Variants in B3GALT1 observed in about 807,000 individuals in gnomAD.
B3GALT1 encodes the protein UDP-Gal:betaGlcNAc beta 1,3-galactosyltransferase, polypeptide 1.
Under a neutral mutation model 23.2 loss-of-function variants are expected in B3GALT1, and 10 were observed. The ratio of observed to expected loss-of-function variants is 0.43; its 90% CI spans 0.27 to 0.73. The LOEUF is 0.73. Among genes scored for constraint, B3GALT1 ranks in the 30% least tolerant of loss-of-function variants. The pLI is 0.21. For synonymous variants in B3GALT1, 156 were observed against 141.5 expected (o/e 1.10, Z -0.73); for missense variants, 299 against 405.4 (o/e 0.74, Z 2.25).
intron 3 of B3GALT1, chr2:167,714,253 C>T: frequency 6.7e-7 from 1 of 1,502,452 alleles, no homozygotes; most frequent in Non-Finnish European, 9.3e-7. Context: ...GAGGAAACAT[C>T]ATCCTACGGT....
intron 2 of B3GALT1, among the ~76,000 whole-genome samples, chr2:167,530,154 C>T (rs1442986643): frequency 7.4e-6 from 1 of 135,276 alleles, no homozygotes; most frequent in African/African-American, 2.8e-5. Context: ...CAGATATTAG[C>T]AGAGCTTGCT....
At chr2:167,444,298 T>C (rs549812692) in intron 1 of B3GALT1, among the ~76,000 whole-genome samples, 112 of 152,346 alleles carry the variant, frequency 7.4e-4, no homozygotes, top group African/African-American at 2.7e-3. Context: ...TTTGCATTGA[T>C]GGTCATCAGG....
intron 2 of B3GALT1, among the ~76,000 whole-genome samples, chr2:167,498,973 C>G (rs1415363282): frequency 6.6e-6 from 1 of 152,076 alleles, no homozygotes; most frequent in Admixed American, 6.6e-5. Context: ...ATTACAAAAA[C>G]AGCCTGCTTG....
intron 1 of B3GALT1, among the ~76,000 whole-genome samples, chr2:167,344,613 C>A (rs936120046): frequency 6.6e-6 from 1 of 152,160 alleles, no homozygotes; most frequent in East Asian, 1.9e-4. Context: ...TTCAAATAGG[C>A]CCTGATATTA....
At chr2:167,841,778 AAT>A (rs1262434773) in intron 4 of B3GALT1, among the ~76,000 whole-genome samples, 1 of 152,248 alleles carries the variant, frequency 6.6e-6, no homozygotes, top group Non-Finnish European at 1.5e-5. Context: ...GGTTACAGTG[AAT>A]ATAGCTTTTC....
rs537813930 is a variant in B3GALT1 at position 167,497,152 on chromosome 2, A to G, written c.-410+6875A>G. ...GAAAATGGTAAACAAAAAGAGCAAT[A>G]TCTAATAAAGAGAATTAAGAATGTA... On this transcript the variant is annotated intron_variant, in intron 2 of 4. Coordinates refer to ENST00000392690, the MANE Select transcript of B3GALT1 (RefSeq NM_020981.4). 1.3e-4 allele frequency among the ~76,000 whole-genome samples: 20 copies of G among 152,332 alleles called. No individual in the cohort carries two copies. The South Asian group carries it at 4.1e-3, about 32-fold the overall frequency.
chr2:167,832,618 C>CA (rs1221648056), intron 4 of B3GALT1, among the ~76,000 whole-genome samples: 6 of 152,184 alleles, frequency 3.9e-5, no homozygotes, highest in Admixed American at 3.9e-4. Flanking sequence ...CATAACTATG[C>CA]AAACATATGT....
At chr2:167,590,536 AG>A (rs568168008) in intron 2 of B3GALT1, among the ~76,000 whole-genome samples, 1 of 151,998 alleles carries the variant, frequency 6.6e-6, no homozygotes, top group Non-Finnish European at 1.5e-5. Context: ...ATAGAACCCA[AG>A]GGGGGAAAAA....
At chr2:167,421,569 T>G (rs1698547452) in intron 1 of B3GALT1, among the ~76,000 whole-genome samples, 1 of 152,172 alleles carries the variant, frequency 6.6e-6, no homozygotes. Context: ...GCTTTACAAA[T>G]GGAAGAAAGG....
intron 3 of B3GALT1, among the ~76,000 whole-genome samples, chr2:167,649,432 C>G (rs1685820398): frequency 6.6e-6 from 1 of 152,022 alleles, no homozygotes; most frequent in African/African-American, 2.4e-5. Flanking sequence ...CCAAAGGAAA[C>G]CCAGTATCCA....
At chr2:167,515,295 A>G (rs1700082818) in intron 2 of B3GALT1, among the ~76,000 whole-genome samples, 1 of 152,178 alleles carries the variant, frequency 6.6e-6, no homozygotes, top group Non-Finnish European at 1.5e-5. Flanking sequence ...GCACATATCT[A>G]CTTCAAGTGT....
chr2:167,628,561 G>A (rs1040607061), intron 2 of B3GALT1, among the ~76,000 whole-genome samples: 4 of 151,714 alleles, frequency 2.6e-5, no homozygotes, highest in African/African-American at 7.3e-5. Flanking sequence ...CTGTAGAGTG[G>A]TAAAAATAAA....
chr2:167,673,006 T>G (rs1574205123), intron 3 of B3GALT1, among the ~76,000 whole-genome samples: 9 of 144,854 alleles, frequency 6.2e-5, no homozygotes, highest in Admixed American at 3.5e-4. Flanking sequence ...GGGGGGTATC[T>G]GGGGGTATCT....
chr2:167,485,297 AAG>A (rs1479928824), intron 1 of B3GALT1, among the ~76,000 whole-genome samples: 1 of 152,186 alleles, frequency 6.6e-6, no homozygotes, highest in Non-Finnish European at 1.5e-5. Flanking sequence ...TTTTGAAAAA[AAG>A]ATTATTTGAA....
At position 167,873,726 on chromosome 2, in the gene B3GALT1, T is replaced by C. The variant is rs1690392577; in HGVS notation, c.*3706T>C. The C allele has an allele frequency of 6.6e-6, 1 of 152,248 alleles. No individual in the cohort carries two copies. The highest frequency in any genetic ancestry group is 2.4e-5 in the African/African-American group (1 of 41,472). 9.4% of individuals were successfully genotyped at this position (152,248 alleles called of 1,614,324 possible). On this transcript the variant is annotated 3_prime_UTR_variant, in exon 5 of 5. Transcript: ENST00000392690. ...GAATGATTGTATTTATGTATTTATTTGTCAAAATTGTACATACTGTTTCGC... is the reference window on the plus strand; with the variant it reads ...GAATGATTGTATTTATGTATTTATTCGTCAAAATTGTACATACTGTTTCGC...
intron 2 of B3GALT1, among the ~76,000 whole-genome samples, chr2:167,640,414 C>T (rs1685629652): frequency 6.6e-6 from 1 of 152,024 alleles, no homozygotes; most frequent in African/African-American, 2.4e-5. Flanking sequence ...CTTCTCTACT[C>T]TCATGAAAGG....
At position 167,428,068 on chromosome 2, in the gene B3GALT1, A is replaced by G. The variant is rs1574074520; in HGVS notation, c.-510-62109A>G. Among the ~76,000 whole-genome samples the G allele has an allele frequency of 3.3e-5, 5 of 152,240 alleles. No individual in the cohort carries two copies. In the South Asian group the frequency reaches 6.2e-4, roughly 19 times the overall value. ...ACGGGAAAACATTGGGAGGAAAAAC[A>G]TTGAGTTTTTGCCACTAAGTGTTAT... On this transcript the variant is annotated intron_variant, in intron 1 of 4. Coordinates refer to ENST00000392690, the MANE Select transcript of B3GALT1 (RefSeq NM_020981.4).
chr2:167,752,376 G>C (rs1374423758), intron 3 of B3GALT1, among the ~76,000 whole-genome samples: 1 of 152,110 alleles, frequency 6.6e-6, no homozygotes, highest in African/African-American at 2.4e-5. Flanking sequence ...TGAAAGTAAA[G>C]GAGAATACTT....
chr2:167,718,435 T>C (rs545051414), intron 3 of B3GALT1, among the ~76,000 whole-genome samples: 1 of 152,254 alleles, frequency 6.6e-6, no homozygotes, highest in Non-Finnish European at 1.5e-5. Context: ...TGCTTTTGAG[T>C]GTCAATATTA....
Sources: gnomAD v4.1 joint callset for allele counts (sites outside exome capture counted in the v4.1 genomes callset) on GRCh38, gnomAD v4.1.1 for gene constraint, MANE v1.5 for transcripts, NCBI Gene and HGNC (gene_info 2026-07-23, HGNC 2026-07-21) for gene names.